SORL1: variants seen among roughly 807,000 people sequenced by gnomAD.
SORL1 encodes the protein sortilin-related receptor.
A neutral mutation model predicts 273.7 loss-of-function variants in SORL1; 127 were observed. The observed-to-expected ratio is 0.46, with a 90% CI of 0.40 to 0.54. SORL1 has a LOEUF of 0.54. Among genes scored for constraint, SORL1 ranks in the 20% least tolerant of loss-of-function variants. The pLI is 0.00. For missense variants in SORL1, 2,494 were observed against 2,846.1 expected (o/e 0.88, Z 2.81); for synonymous variants, 1,031 against 1,067.4 (o/e 0.97, Z 0.66).
chr11:121,550,210 C>T lies in SORL1; in HGVS notation c.2180+122C>T. The T allele has an allele frequency of 9.7e-7, 1 of 1,029,782 alleles. No individual in the cohort carries two copies. Among genetic ancestry groups the T allele is most frequent in the Non-Finnish European group, 1.4e-6 (1 of 725,578 alleles). 63.8% of individuals were successfully genotyped at this position (1,029,782 alleles called of 1,614,324 possible). A position where few individuals can be genotyped will look rare whatever the true frequency, so the allele number is the denominator to read the frequency against. ...TCTAGAATTCCAAGTTAACAGCCTG[C>T]AAGTAGTTTGGGCAACATTATAAAT... On this transcript the variant is annotated intron_variant, in intron 15 of 47. Coordinates refer to ENST00000260197, the MANE Select transcript of SORL1 (RefSeq NM_003105.6). The surrounding 1 kb of genome is among the most constrained non-coding windows in gnomAD (Gnocchi z 5.3).
chr11:121,533,741 T>C (rs191151808), intron 12 of SORL1, among the ~76,000 whole-genome samples: 15 of 152,314 alleles, frequency 9.8e-5, no homozygotes, highest in African/African-American at 2.6e-4. Context: ...TGTTTTTTTT[T>C]CCCTGTGGTT....
chr11:121,625,057 C>G (rs781512757), intron 45 of SORL1, 28 bp from the exon 46 acceptor site: 17 of 1,542,546 alleles, frequency 1.1e-5, no homozygotes, highest in Non-Finnish European at 1.2e-5. Context: ...ATTCGACTTC[C>G]TGAGCAATCT....
intron 38 of SORL1, chr11:121,608,435 A>G: frequency 6.8e-6 from 3 of 442,218 alleles, no homozygotes; most frequent in Non-Finnish European, 1.2e-5. Context: ...AAAGGCCATC[A>G]TGCGCAGCCC....
chr11:121,606,898 G>A lies in SORL1; in HGVS notation c.5002G>A (p.Val1668Met), dbSNP rs766507115. The change falls in exon 36 of 48, where the codon GTG (valine) becomes ATG (methionine). Residue 1668 changes from valine to methionine, a missense_variant. Around this residue, in one of 3 missense-constraint regions of SORL1, gnomAD observed 1,609 missense variants for 1,816.4 expected, o/e 0.89. Coordinates refer to ENST00000260197, the MANE Select transcript of SORL1 (RefSeq NM_003105.6). ...GTCACTCCCCAGGGAAGCAGAAGGT[G>A]TGATTGTAGGCCACTGGGCTCCTCC... Reference protein sequence around the residue: ...QLSLPREAEGVIVGHWAPPIH... With the variant: ...QLSLPREAEGMIVGHWAPPIH... 1.4e-5 allele frequency: 23 copies of A among 1,614,214 alleles called. No individual in the cohort carries two copies. Among genetic ancestry groups the A allele is most frequent in the Middle Eastern group, 3.3e-4 (2 of 6,062 alleles).
intron 2 of SORL1, among the ~76,000 whole-genome samples, chr11:121,470,863 T>TA (rs887371725): frequency 1.3e-5 from 2 of 152,062 alleles, no homozygotes; most frequent in African/African-American, 4.8e-5. Flanking sequence ...CTTATATATA[T>TA]TTTTTGGTAG....
At chr11:121,533,527 A>T (rs955068943) in intron 12 of SORL1, among the ~76,000 whole-genome samples, 1 of 152,182 alleles carries the variant, frequency 6.6e-6, no homozygotes, top group East Asian at 1.9e-4. Flanking sequence ...TGAATGGTTC[A>T]TGTTAGGTCA....
intron 2 of SORL1, among the ~76,000 whole-genome samples, chr11:121,470,755 A>G (rs1565302936): frequency 6.6e-6 from 1 of 151,798 alleles, no homozygotes; most frequent in East Asian, 1.9e-4. Context: ...GCTCACTGCA[A>G]CCTCCGCCTC....
chr11:121,590,189 G>A lies in SORL1; in HGVS notation c.4213+15G>A, dbSNP rs1863188442. 1.9e-6 allele frequency: 3 copies of A among 1,613,376 alleles called. No individual in the cohort carries two copies. Among genetic ancestry groups the A allele is most frequent in the Admixed American group, 1.7e-5 (1 of 59,944 alleles). On this transcript the variant is annotated intron_variant, in intron 30 of 47. Coordinates refer to ENST00000260197, the MANE Select transcript of SORL1 (RefSeq NM_003105.6). Reference sequence around the variant, plus strand: ...GGATTGTGGAGGTAAGAGGCCCCTGGGGCCTGGGTTAGCCCCATAACCAAG... The same window carrying A: ...GGATTGTGGAGGTAAGAGGCCCCTGAGGCCTGGGTTAGCCCCATAACCAAG...
intron 12 of SORL1, among the ~76,000 whole-genome samples, chr11:121,537,484 G>C (rs1285612364): frequency 6.6e-6 from 1 of 152,166 alleles, no homozygotes; most frequent in African/African-American, 2.4e-5. Context: ...AGAGGTAAAG[G>C]AGTAGGCTTG....
chr11:121,546,598 T>C (rs1591321001), intron 14 of SORL1, among the ~76,000 whole-genome samples: 1 of 152,312 alleles, frequency 6.6e-6, no homozygotes, highest in East Asian at 1.9e-4. Flanking sequence ...GCCAGAAACC[T>C]CTGATGTATT....
At chr11:121,495,214 G>A (rs1392084007) in intron 5 of SORL1, among the ~76,000 whole-genome samples, 4 of 152,084 alleles carry the variant, frequency 2.6e-5, no homozygotes, top group Non-Finnish European at 5.9e-5. Flanking sequence ...TGAGTAGCTG[G>A]GGCTACAGGT....
chr11:121,500,303 G>A (rs1264687224), intron 6 of SORL1, among the ~76,000 whole-genome samples: 1 of 152,192 alleles, frequency 6.6e-6, no homozygotes, highest in Admixed American at 6.5e-5. Flanking sequence ...AGATTATCAT[G>A]CAAGCCAGGC....
chr11:121,522,770 C>A, intron 10 of SORL1, 67 bp downstream of exon 10: 1 of 1,393,568 alleles, frequency 7.2e-7, no homozygotes, highest in Non-Finnish European at 1.0e-6. Flanking sequence ...AAATGCAGAG[C>A]GATCACCCAC....
chr11:121,625,549 AGGTTCACAAGAGT>A (rs1863784511), intron 46 of SORL1, among the ~76,000 whole-genome samples: 1 of 152,222 alleles, frequency 6.6e-6, no homozygotes. Flanking sequence ...GGGAAACTCT[AGGTTCACAAGAGT>A]TTCATTTGTT....
At chr11:121,564,697 C>G (rs1008360596) in intron 21 of SORL1, among the ~76,000 whole-genome samples, 4 of 152,040 alleles carry the variant, frequency 2.6e-5, no homozygotes, top group African/African-American at 4.8e-5. Context: ...CCACTTCAGC[C>G]TCTGAAGTGG....
At chr11:121,574,594 G>T (rs377600523) in intron 24 of SORL1, among the ~76,000 whole-genome samples, 1 of 152,100 alleles carries the variant, frequency 6.6e-6, no homozygotes, top group Admixed American at 6.5e-5. Flanking sequence ...AGACACTTGC[G>T]AACTGGGACC....
intron 11 of SORL1, among the ~76,000 whole-genome samples, chr11:121,530,459 G>C (rs1862186894): frequency 6.6e-6 from 1 of 152,162 alleles, no homozygotes; most frequent in African/African-American, 2.4e-5. Flanking sequence ...GTACTTTAAA[G>C]ATGTCTACTG....
At chr11:121,515,123 C>T (rs1038630804) in intron 8 of SORL1, among the ~76,000 whole-genome samples, 8 of 152,286 alleles carry the variant, frequency 5.3e-5, no homozygotes, top group African/African-American at 1.2e-4. Flanking sequence ...CAATTCATTC[C>T]GTTGTCAGTT....
intron 1 of SORL1, among the ~76,000 whole-genome samples, chr11:121,457,388 G>T (rs376361565): frequency 6.6e-6 from 1 of 152,130 alleles, no homozygotes; most frequent in Admixed American, 6.5e-5. Context: ...GCTCCTTTCC[G>T]GGTGGCATCC....
Sources: allele counts gnomAD v4.1 joint callset (sites outside exome capture counted in the v4.1 genomes callset), GRCh38; gene constraint gnomAD v4.1.1; regional missense constraint gnomAD v4.1.1; non-coding constraint Gnocchi (gnomAD v3.1); transcripts MANE v1.5; gene names NCBI Gene and HGNC (gene_info 2026-07-23, HGNC 2026-07-21).